Variants in NELL1 observed in about 807,000 individuals in gnomAD.
The protein encoded by NELL1 is protein kinase C-binding protein NELL1.
A neutral mutation model predicts 107.4 loss-of-function variants in NELL1; 76 were observed. The observed-to-expected ratio is 0.71, with a 90% CI of 0.59 to 0.86. NELL1 has a LOEUF of 0.86. Ranked by LOEUF, NELL1 falls within the 40% of genes least tolerant of loss-of-function variation. The pLI is 0.00. For missense variants in NELL1, 1,024 were observed against 1,005.5 expected, an observed-to-expected ratio of 1.02 and a Z score of -0.25; for synonymous variants, 353 against 341.2, an observed-to-expected ratio of 1.03 and a Z score of -0.38.
At chr11:20,697,998 G>A (rs1854669512) in intron 2 of NELL1, among the ~76,000 whole-genome samples, 3 of 152,140 alleles carry the variant, frequency 2.0e-5, no homozygotes, top group Non-Finnish European at 2.9e-5. Context: ...ACCCACTGTT[G>A]CCCAAGTCTG....
intron 13 of NELL1, among the ~76,000 whole-genome samples, chr11:21,217,480 A>G (rs972055292): frequency 1.3e-4 from 20 of 152,106 alleles, no homozygotes; most frequent in Non-Finnish European, 2.9e-4. Flanking sequence ...GTAAAAAATT[A>G]CCTACACTGT....
chr11:20,955,738 A>G (rs1851157237), intron 11 of NELL1, among the ~76,000 whole-genome samples: 2 of 152,216 alleles, frequency 1.3e-5, no homozygotes, highest in South Asian at 4.1e-4. Flanking sequence ...CAGGCATATT[A>G]TAAGTGCATG....
chr11:21,328,500 G>A (rs1850198482), intron 14 of NELL1, among the ~76,000 whole-genome samples: 2 of 152,174 alleles, frequency 1.3e-5, no homozygotes, highest in South Asian at 4.1e-4. Flanking sequence ...TGGCAGTGTG[G>A]AAGAGAAATG....
intron 2 of NELL1, among the ~76,000 whole-genome samples, chr11:20,707,563 TC>T (rs1413478840): frequency 6.6e-6 from 1 of 152,240 alleles, no homozygotes; most frequent in African/African-American, 2.4e-5. Context: ...GGATGTCCTT[TC>T]TGTTTGTTAG....
At chr11:21,375,241 C>T (rs11026054) in intron 15 of NELL1, among the ~76,000 whole-genome samples, 6,102 of 151,992 alleles carry the variant, frequency 0.04, 293 homozygotes, top group Admixed American at 0.11. Flanking sequence ...TTTCTATCAT[C>T]GCCATCTTTA....
At chr11:21,117,397 T>C (rs1465418938) in intron 13 of NELL1, among the ~76,000 whole-genome samples, 3 of 151,978 alleles carry the variant, frequency 2.0e-5, no homozygotes, top group Non-Finnish European at 4.4e-5. Flanking sequence ...ACTTAGAACA[T>C]TACCTGGCAC....
intron 2 of NELL1, among the ~76,000 whole-genome samples, chr11:20,750,435 A>G (rs1025729305): frequency 1.3e-5 from 2 of 151,994 alleles, no homozygotes; most frequent in African/African-American, 4.8e-5. Flanking sequence ...GAAGCCCAGT[A>G]TATATATTTT....
chr11:21,571,022 C>G, intron 18 of NELL1, 82 bp downstream of exon 18: 1 of 1,336,508 alleles, frequency 7.5e-7, no homozygotes. Flanking sequence ...ACCTAGTTCC[C>G]AGTTTTTCAT....
intron 14 of NELL1, among the ~76,000 whole-genome samples, chr11:21,232,329 CAA>C (rs35426602): frequency 4.5e-4 from 55 of 121,424 alleles, no homozygotes; most frequent in Admixed American, 7.6e-4. Context: ...CACTCCATCT[CAA>C]AAAAAAAAAA....
At chr11:20,699,521 C>A (rs186155239) in intron 2 of NELL1, among the ~76,000 whole-genome samples, 1 of 152,144 alleles carries the variant, frequency 6.6e-6, no homozygotes, top group Non-Finnish European at 1.5e-5. Flanking sequence ...CCACCATGCC[C>A]AACTAATTTG....
intron 16 of NELL1, among the ~76,000 whole-genome samples, chr11:21,535,320 GACC>G (rs1856106969): frequency 6.6e-6 from 1 of 152,256 alleles, no homozygotes; most frequent in South Asian, 2.1e-4. Context: ...TGCTGATTTG[GACC>G]AACCTAGGGG....
chr11:21,028,929 T>A (rs924306588), intron 12 of NELL1, among the ~76,000 whole-genome samples: 3 of 152,206 alleles, frequency 2.0e-5, no homozygotes, highest in African/African-American at 4.8e-5. Context: ...TTCCCTCTGG[T>A]GGTTTCTGGA....
chr11:20,838,581 T>G (rs1256170266), intron 3 of NELL1, among the ~76,000 whole-genome samples: 1 of 151,990 alleles, frequency 6.6e-6, no homozygotes, highest in Non-Finnish European at 1.5e-5. Flanking sequence ...CTATGAGGGT[T>G]GTTGGATACT....
chr11:21,471,039 C>A (rs1044294342), intron 15 of NELL1, among the ~76,000 whole-genome samples: 1 of 152,064 alleles, frequency 6.6e-6, no homozygotes, highest in Non-Finnish European at 1.5e-5. Flanking sequence ...GCATTATACT[C>A]AATCCTTTTA....
In NELL1 at chr11:20,732,002, A is replaced by G. The variant is rs138676611; in HGVS notation, c.185-51678A>G. Among the ~76,000 whole-genome samples, 419 of 152,252 alleles carry G rather than the reference A, an allele frequency of 2.8e-3. 2 individuals carry two copies. The highest frequency in any genetic ancestry group is 9.4e-3 in the African/African-American group (391 of 41,542). ...TCTAAACCAACTTTTCTAGAGAAGC[A>G]TTTCACAATGAGGCTCCTCTAATGG... On this transcript the variant is annotated intron_variant, in intron 2 of 19. Coordinates refer to ENST00000357134, the MANE Select transcript of NELL1 (RefSeq NM_006157.5).
At chr11:21,291,338 A>G (rs2133959965) in intron 14 of NELL1, among the ~76,000 whole-genome samples, 1 of 152,324 alleles carries the variant, frequency 6.6e-6, no homozygotes, top group African/African-American at 2.4e-5. Context: ...ACACAGCTAA[A>G]GCAGTGTTTA....
chr11:21,276,463 C>T lies in NELL1; in HGVS notation c.1549+47009C>T, dbSNP rs183553182. Among the ~76,000 whole-genome samples the T allele has an allele frequency of 6.6e-3, 1,006 of 152,214 alleles. 20 individuals are homozygous for T. The highest frequency in any genetic ancestry group is 0.05 in the East Asian group (258 of 5,172). Reference sequence around the variant, plus strand: ...GGAAGAATCAATATCGTGAAAATGGCCATACTGCCCAAGGTAATTTATAGA... The same window carrying T: ...GGAAGAATCAATATCGTGAAAATGGTCATACTGCCCAAGGTAATTTATAGA... On this transcript the variant is annotated intron_variant, in intron 14 of 19. Transcript: ENST00000357134.
At chr11:20,820,074 T>A (rs888773738) in intron 3 of NELL1, among the ~76,000 whole-genome samples, 2 of 152,230 alleles carry the variant, frequency 1.3e-5, no homozygotes, top group African/African-American at 4.8e-5. Flanking sequence ...GCTGGTTTTA[T>A]GGCCCCAAAT....
At chr11:20,907,863 A>AG (rs1405988512) in intron 5 of NELL1, among the ~76,000 whole-genome samples, 1 of 152,122 alleles carries the variant, frequency 6.6e-6, no homozygotes, top group Admixed American at 6.6e-5. Context: ...CATATTTATG[A>AG]GAAAAACTTC....
Sources: gnomAD v4.1 joint callset for allele counts (sites outside exome capture counted in the v4.1 genomes callset) on GRCh38, gnomAD v4.1.1 for gene constraint, MANE v1.5 for transcripts, NCBI Gene and HGNC (gene_info 2026-07-23, HGNC 2026-07-21) for gene names.